SPIRE1: variants seen among roughly 807,000 people sequenced by gnomAD.
SPIRE1 encodes spire type actin nucleation factor 1, also known as protein spire homolog 1.
In SPIRE1, 40 loss-of-function variants were observed where a neutral mutation model predicts 94.1. The observed-to-expected ratio is 0.43, with a 90% CI of 0.33 to 0.55. The LOEUF (loss-of-function observed/expected upper bound fraction) is 0.55, where lower values mean the gene tolerates loss of function less well. SPIRE1 is among the 20% of genes least tolerant of loss of function. The pLI is 0.06. For synonymous variants in SPIRE1, 376 were observed against 371.7 expected (o/e 1.01, Z -0.13); for missense variants, 838 against 975.2 (o/e 0.86, Z 1.87).
At chr18:12,516,265 CG>C (rs2034192198) in intron 4 of SPIRE1, 1 of 152,162 alleles carries the variant, frequency 6.6e-6, no homozygotes, top group African/African-American at 2.4e-5. Context: ...TATTTACAAG[CG>C]TAAGAACATG....
intron 4 of SPIRE1, among the ~76,000 whole-genome samples, chr18:12,518,409 C>T (rs1358410649): frequency 1.3e-5 from 2 of 152,056 alleles, no homozygotes; most frequent in East Asian, 3.9e-4. Context: ...AGAAGGACTG[C>T]CTGAACCTGG....
At chr18:12,659,913 A>G (rs576079260), upstream of SPIRE1, among the ~76,000 whole-genome samples, 19 of 152,282 alleles carry the variant, frequency 1.2e-4, no homozygotes, top group South Asian at 2.1e-4. Flanking sequence ...AAAACAGACA[A>G]ACATTCCCAA....
chr18:12,592,954 C>G (rs536270260), intron 2 of SPIRE1, among the ~76,000 whole-genome samples: 2 of 152,364 alleles, frequency 1.3e-5, no homozygotes, highest in Admixed American at 1.3e-4. Context: ...ACCTCAGCCT[C>G]CCCAGTGGCT....
At chr18:12,538,879 T>C (rs947157236) in intron 3 of SPIRE1, among the ~76,000 whole-genome samples, 10 of 152,110 alleles carry the variant, frequency 6.6e-5, no homozygotes, top group African/African-American at 1.4e-4. Context: ...AGTCTTGTTG[T>C]TTCTACCTTC....
Position 12,585,380 on chromosome 18 carries a change from A to C in SPIRE1, c.373-38476T>G, listed in dbSNP as rs138286246. Among the ~76,000 whole-genome samples the C allele has an allele frequency of 1.1e-4, 16 of 152,342 alleles. No homozygotes were observed. In the East Asian group the frequency reaches 3.1e-3, roughly 29 times the overall value. ...ACATATAGGTAGGATCCCACCAGAC[A>C]AAAGGCTTTCAACAGTGGCAATAAT... On this transcript the variant is annotated intron_variant, in intron 2 of 16. Transcript: ENST00000409402.
intron 2 of SPIRE1, among the ~76,000 whole-genome samples, chr18:12,583,916 G>C (rs188454114): frequency 1.1e-4 from 16 of 151,762 alleles, no homozygotes; most frequent in Non-Finnish European, 1.6e-4. Flanking sequence ...GACAGAGAGA[G>C]ACCTTGTCTC....
At chr18:12,509,955 C>G (rs142286758) in intron 5 of SPIRE1, among the ~76,000 whole-genome samples, 22 of 151,788 alleles carry the variant, frequency 1.4e-4, no homozygotes, top group Admixed American at 3.9e-4. Context: ...TGTGGTGGTG[C>G]GCACCTGTAA....
At chr18:12,468,874 C>T (rs577531581) in intron 10 of SPIRE1, among the ~76,000 whole-genome samples, 1 of 152,214 alleles carries the variant, frequency 6.6e-6, no homozygotes, top group East Asian at 1.9e-4. Context: ...GCCTAAGGAA[C>T]ATGGTGAGAG....
At chr18:12,487,359 C>T (rs2033074515) in intron 8 of SPIRE1, among the ~76,000 whole-genome samples, 1 of 151,784 alleles carries the variant, frequency 6.6e-6, no homozygotes, top group Admixed American at 6.6e-5. Flanking sequence ...ATGTCTCCCC[C>T]TCAGATAAAA....
At chr18:12,493,518 T>A (rs2033320026) in intron 7 of SPIRE1, among the ~76,000 whole-genome samples, 1 of 152,132 alleles carries the variant, frequency 6.6e-6, no homozygotes, top group African/African-American at 2.4e-5. Context: ...GCGATTCTCG[T>A]GCCTCAGCCT....
At chr18:12,550,726 TCTGAAACCA>T (rs2035324697) in intron 2 of SPIRE1, among the ~76,000 whole-genome samples, 1 of 152,180 alleles carries the variant, frequency 6.6e-6, no homozygotes, top group African/African-American at 2.4e-5. Flanking sequence ...CGTCTTTCCT[TCTGAAACCA>T]CTGAAACACA....
At chr18:12,655,116 G>A (rs1272967893) in intron 1 of SPIRE1, among the ~76,000 whole-genome samples, 1 of 151,902 alleles carries the variant, frequency 6.6e-6, no homozygotes, top group African/African-American at 2.4e-5. Context: ...ACTTTAGCAG[G>A]CCAAGGCAGT....
chr18:12,582,558 G>A (rs2036283839), intron 2 of SPIRE1, among the ~76,000 whole-genome samples: 1 of 152,108 alleles, frequency 6.6e-6, no homozygotes, highest in East Asian at 1.9e-4. Context: ...AGAGTCGCAA[G>A]TGTGTCTCAA....
At chr18:12,540,931 C>G (rs1051262489) in intron 3 of SPIRE1, among the ~76,000 whole-genome samples, 2 of 152,176 alleles carry the variant, frequency 1.3e-5, no homozygotes, top group Admixed American at 6.5e-5. Context: ...TGAATCACCC[C>G]TTTGTGCAGC....
chr18:12,450,192 TAAA>T (rs57438729), intron 16 of SPIRE1, among the ~76,000 whole-genome samples: 1 of 122,084 alleles, frequency 8.2e-6, no homozygotes, highest in Non-Finnish European at 1.8e-5. Flanking sequence ...CAGTCTCTAC[TAAA>T]AAAAAAAAAA....
At chr18:12,636,428 A>T (rs1598567330) in intron 1 of SPIRE1, 2 of 152,178 alleles carry the variant, frequency 1.3e-5, no homozygotes, top group East Asian at 3.9e-4. Flanking sequence ...ACAAAAGAAA[A>T]ATCACAAATA....
In SPIRE1 at chr18:12,528,168, G is replaced by A. The variant is rs576557174; in HGVS notation, c.729+7308C>T. Among the ~76,000 whole-genome samples the A allele has an allele frequency of 6.6e-5, 10 of 152,244 alleles. No homozygotes were observed. In the South Asian group the frequency reaches 1.9e-3, roughly 28 times the overall value. Reference sequence around the variant, plus strand: ...CCCAGTGTTACCCTAAGCTGAGGAGGCAGCAAAGGAGACATACCTAAAAAG... The same window carrying A: ...CCCAGTGTTACCCTAAGCTGAGGAGACAGCAAAGGAGACATACCTAAAAAG... On this transcript the variant is annotated intron_variant, in intron 4 of 16. Coordinates refer to ENST00000409402, the MANE Select transcript of SPIRE1 (RefSeq NM_001128626.2).
intron 2 of SPIRE1, among the ~76,000 whole-genome samples, chr18:12,549,436 G>GTTTTTTTTTTTTT (rs1345452411): frequency 8.5e-4 from 44 of 51,916 alleles, no homozygotes; most frequent in Non-Finnish European, 1.2e-3. Flanking sequence ...TTTTGTTATT[G>GTTTTTTTTTTTTT]TTGTTTTTTT....
rs192037899 is a variant in SPIRE1, at chr18:12,598,985, A to T, written c.372+36077T>A. 1.1e-3 allele frequency among the ~76,000 whole-genome samples: 174 copies of T among 152,290 alleles called. 2 individuals are homozygous for T. The highest frequency in any genetic ancestry group is 2.1e-3 in the Non-Finnish European group (144 of 68,028). On this transcript the variant is annotated intron_variant, in intron 2 of 16. Coordinates refer to ENST00000409402, the MANE Select transcript of SPIRE1 (RefSeq NM_001128626.2). ...GAATTCCTGTATATCCTTTGACCAG[A>T]TTTATCAATACCAATGTTTTACCCC... is the stretch of plus-strand genomic sequence containing the variant.
Sources: allele counts gnomAD v4.1 joint callset (sites outside exome capture counted in the v4.1 genomes callset), GRCh38; gene constraint gnomAD v4.1.1; transcripts MANE v1.5; gene names NCBI Gene and HGNC (gene_info 2026-07-23, HGNC 2026-07-21).